FBXW8: variants seen among roughly 807,000 people sequenced by gnomAD.
FBXW8 encodes the protein F-box and WD repeat domain containing 8, also known as F-box/WD repeat-containing protein 8.
FBXW8 carries 57 observed loss-of-function variants against 65.3 expected under a neutral mutation model. The observed-to-expected ratio is 0.87, with a 90% confidence interval of 0.71 to 1.09. FBXW8 has a LOEUF of 1.09. Ranked by LOEUF, FBXW8 falls within the 50% of genes least tolerant of loss-of-function variation. The pLI, the probability that FBXW8 is intolerant of heterozygous loss-of-function variation, is 0.00. For missense variants in FBXW8, 777 were observed against 814.8 expected (o/e 0.95, Z 0.57); for synonymous variants, 308 against 330.2 (o/e 0.93, Z 0.73).
At chr12:116,979,269 TCTGGCTGGCCTC>T (rs1322677855) in intron 5 of FBXW8, 1 of 152,242 alleles carries the variant, frequency 6.6e-6, no homozygotes, top group Admixed American at 6.5e-5. Context: ...ATTACCACAC[TCTGGCTGGCCTC>T]CTTAGGGAGG....
chr12:116,955,776 G>A (rs1416493219), intron 4 of FBXW8, among the ~76,000 whole-genome samples: 1 of 152,180 alleles, frequency 6.6e-6, no homozygotes, highest in Non-Finnish European at 1.5e-5. Flanking sequence ...TGGAAGTTAA[G>A]TGTTGCAATC....
chr12:116,996,172 A>G (rs1007780513), intron 7 of FBXW8, among the ~76,000 whole-genome samples: 3 of 152,214 alleles, frequency 2.0e-5, no homozygotes, highest in Non-Finnish European at 2.9e-5. Context: ...GGCAGATTGT[A>G]TTAAGCGGCA....
intron 5 of FBXW8, among the ~76,000 whole-genome samples, chr12:116,965,976 T>G (rs970587385): frequency 6.6e-6 from 1 of 150,674 alleles, no homozygotes; most frequent in Non-Finnish European, 1.5e-5. Context: ...TTGTCCAGAC[T>G]GGTCTTGAAC....
At chr12:116,964,506 C>T (rs563151672) in intron 4 of FBXW8, among the ~76,000 whole-genome samples, 191 bp from the exon 5 acceptor site, 16 of 152,212 alleles carry the variant, frequency 1.1e-4, no homozygotes, top group Non-Finnish European at 1.8e-4. Flanking sequence ...GAATGTGAAG[C>T]GTGTTCACAG....
intron 2 of FBXW8, among the ~76,000 whole-genome samples, chr12:116,944,274 T>G (rs910514682): frequency 2.6e-5 from 4 of 152,328 alleles, no homozygotes; most frequent in Middle Eastern, 3.4e-3. Context: ...GGTGGAATTC[T>G]TACTGCTGTT....
chr12:117,020,201 C>T (rs548559161), intron 8 of FBXW8, among the ~76,000 whole-genome samples: 3 of 152,340 alleles, frequency 2.0e-5, no homozygotes, highest in Admixed American at 6.5e-5. Flanking sequence ...GTGTCACCTA[C>T]GTCATTCCAG....
chr12:117,027,778 G>C (rs1396204454), intron 10 of FBXW8, among the ~76,000 whole-genome samples: 1 of 152,236 alleles, frequency 6.6e-6, no homozygotes, highest in South Asian at 2.1e-4. Context: ...TTAGAATCCT[G>C]TCAGGGGCAA....
At position 116,964,846 on chromosome 12, in the gene FBXW8, A is replaced by G. The variant is rs1196787770; in HGVS notation, c.827A>G (p.Tyr276Cys). The change falls in exon 5 of 11, where the codon TAT (tyrosine) becomes TGT (cysteine). Residue 276 changes from tyrosine (Y) to cysteine (C), a missense_variant. Coordinates refer to ENST00000652555, the MANE Select transcript of FBXW8 (RefSeq NM_153348.3). Reference protein sequence around the residue: ...RINSSLAVAAYEDGFLNIWDL... With the variant: ...RINSSLAVAACEDGFLNIWDL... ...AACAGCTCGTTGGCAGTAGCAGCTT[A>G]TGAGGATGGTAAGTAACCACAACCC... The G allele has an allele frequency of 1.2e-6, 2 of 1,607,212 alleles. No homozygotes were observed. Among genetic ancestry groups the G allele is most frequent in the Non-Finnish European group, 1.7e-6 (2 of 1,177,036 alleles).
At position 116,930,557 on chromosome 12, in the gene FBXW8, G is replaced by A. The variant is rs1014653145; in HGVS notation, c.423+2430G>A. Among the ~76,000 whole-genome samples the A allele has an allele frequency of 3.3e-5, 5 of 152,126 alleles. No homozygotes were observed. The South Asian group carries it at 6.2e-4, about 19-fold the overall frequency. On this transcript the variant is annotated intron_variant, in intron 2 of 10. Coordinates refer to ENST00000652555, the MANE Select transcript of FBXW8 (RefSeq NM_153348.3). ...TATTTTGGATATTAACTGCTTATGA[G>A]ATATATGGTTTGGAAATATTTTTTC...
intron 7 of FBXW8, among the ~76,000 whole-genome samples, chr12:117,004,557 G>A (rs1953630862): frequency 6.6e-6 from 1 of 152,212 alleles, no homozygotes; most frequent in Non-Finnish European, 1.5e-5. Context: ...AGCCTTGCAG[G>A]TGGTGTAAAC....
intron 1 of FBXW8, among the ~76,000 whole-genome samples, chr12:116,913,767 G>C (rs896832441): frequency 6.6e-6 from 1 of 152,094 alleles, no homozygotes; most frequent in South Asian, 2.1e-4. Context: ...GTTGTTCAAG[G>C]GTCTGTAGTA....
Position 117,024,159 on chromosome 12 carries a change from C to T in FBXW8, c.1380C>T (p.His460=), listed in dbSNP as rs145380955. 512 of 1,613,684 alleles carry T rather than the reference C, an allele frequency of 3.2e-4. 1 individual carries two copies. The highest frequency in any genetic ancestry group is 4.1e-4 in the Non-Finnish European group (486 of 1,179,762). ...TGGGCCTGTCCAGGGTGAGGATCCA[C>T]GACCTCCGCAGTGGTAACATCGCCC... ...SGNMDGRVRI[H]DLRSGNIALS... is the part of the protein sequence containing the mutation. The change falls in exon 9 of 11, where the codon CAC becomes CAT. Residue 460 remains histidine (H), a synonymous_variant. Coordinates refer to ENST00000652555, the MANE Select transcript of FBXW8 (RefSeq NM_153348.3).
intron 1 of FBXW8, among the ~76,000 whole-genome samples, chr12:116,924,127 C>CT (rs1478394633): frequency 1.3e-5 from 2 of 150,048 alleles, no homozygotes; most frequent in Non-Finnish European, 1.5e-5. Context: ...CTTGGAATAT[C>CT]TTTGTTTCTG....
rs980392834 is a variant in FBXW8 at position 116,997,392 on chromosome 12, C to G, written c.1239+8523C>G. ...GGGGAAAGTTCCTTTCAGCTATAGT[C>G]AAGATAGCAGTTGTGTCACCACTGG... On this transcript the variant is annotated intron_variant, in intron 7 of 10. Coordinates refer to ENST00000652555, the MANE Select transcript of FBXW8 (RefSeq NM_153348.3). Among the ~76,000 whole-genome samples the G allele has an allele frequency of 2.6e-5, 4 of 152,302 alleles. No individual in the cohort carries two copies. The East Asian group carries it at 7.7e-4, about 29-fold the overall frequency.
chr12:117,009,250 G>A (rs949313962), intron 7 of FBXW8, among the ~76,000 whole-genome samples: 1 of 151,912 alleles, frequency 6.6e-6, no homozygotes, highest in Admixed American at 6.6e-5. Context: ...ATCATCAGCA[G>A]GCCGTGGTGT....
At chr12:117,022,920 T>TCTTATCAGTGAGAAGGGACA (rs1954135445) in intron 8 of FBXW8, among the ~76,000 whole-genome samples, 1 of 152,212 alleles carries the variant, frequency 6.6e-6, no homozygotes, top group African/African-American at 2.4e-5. Context: ...TAGGAAGGTT[T>TCTTATCAGTGAGAAGGGACA]GTCCTGTGTG....
chr12:117,024,011 A>C, intron 8 of FBXW8, 136 bp from the exon 9 acceptor site: 1 of 803,018 alleles, frequency 1.2e-6, no homozygotes, highest in Non-Finnish European at 1.9e-6. Flanking sequence ...TGTCCTTATT[A>C]TCGATGTTTG....
intron 4 of FBXW8, among the ~76,000 whole-genome samples, chr12:116,958,524 A>T (rs1046617114): frequency 6.6e-6 from 1 of 152,196 alleles, no homozygotes; most frequent in South Asian, 2.1e-4. Flanking sequence ...CATTCCGTCA[A>T]CACCCACTAA....
chr12:116,975,336 C>T (rs551590096), intron 5 of FBXW8, among the ~76,000 whole-genome samples: 2 of 152,244 alleles, frequency 1.3e-5, no homozygotes, highest in Non-Finnish European at 2.9e-5. Flanking sequence ...AGTCCAAGAT[C>T]AGGGCACTGG....
Sources: allele counts gnomAD v4.1 joint callset (sites outside exome capture counted in the v4.1 genomes callset), GRCh38; gene constraint gnomAD v4.1.1; transcripts MANE v1.5; gene names NCBI Gene and HGNC (gene_info 2026-07-23, HGNC 2026-07-21).